OR3A2: variants seen among roughly 807,000 people sequenced by gnomAD.
OR3A2 encodes the protein olfactory receptor 3A2.
For synonymous variants in OR3A2, 126 were observed against 159.3 expected (o/e 0.79, Z 1.57); for missense variants, 318 against 392.8 (o/e 0.81, Z 1.61).
intron 3 of OR3A2, among the ~76,000 whole-genome samples, chr17:3,334,229 A>G (rs979983971): frequency 2.0e-5 from 3 of 152,136 alleles, no homozygotes; most frequent in Non-Finnish European, 4.4e-5. Context: ...CAGAAATACC[A>G]TCTTTACTAT....
chr17:3,279,712 C>A (rs548971585), intron 1 of OR3A2, among the ~76,000 whole-genome samples: 1 of 152,132 alleles, frequency 6.6e-6, no homozygotes, highest in East Asian at 1.9e-4. Flanking sequence ...CGCTTGAACC[C>A]GAGACGTGGA....
intron 3 of OR3A2, among the ~76,000 whole-genome samples, chr17:3,304,074 T>C (rs9905141): frequency 0.17 from 25,083 of 151,286 alleles, 2,966 homozygotes; most frequent in African/African-American, 0.33. Context: ...ACTCTACATG[T>C]ATTGCAGCTT....
intron 3 of OR3A2, among the ~76,000 whole-genome samples, chr17:3,309,128 A>C (rs7219806): frequency 0.17 from 25,159 of 151,732 alleles, 2,952 homozygotes; most frequent in African/African-American, 0.33. Context: ...CTGGTCTCGA[A>C]CTCCTGACCT....
At chr17:3,374,266 T>C (rs1288566426) in intron 2 of OR3A2, among the ~76,000 whole-genome samples, 1 of 152,214 alleles carries the variant, frequency 6.6e-6, no homozygotes, top group Non-Finnish European at 1.5e-5. Flanking sequence ...ACCTGATGAC[T>C]ATCTGCCCAG....
chr17:3,363,959 G>A (rs1020618022), intron 2 of OR3A2, among the ~76,000 whole-genome samples: 5 of 152,100 alleles, frequency 3.3e-5, no homozygotes, highest in African/African-American at 1.2e-4. Context: ...GAACAGCAAG[G>A]GGAAAATCTG....
exon 2 of OR3A2, chr17:3,277,367 C>T (rs2048745238): frequency 6.6e-6 from 1 of 152,084 alleles, no homozygotes; most frequent in Non-Finnish European, 1.5e-5. Context: ...TTTAACAAAA[C>T]AACAACAAAA....
At chr17:3,361,711 A>G (rs1331338790) in intron 2 of OR3A2, among the ~76,000 whole-genome samples, 1 of 151,702 alleles carries the variant, frequency 6.6e-6, no homozygotes, top group Non-Finnish European at 1.5e-5. Context: ...TATATGCTGG[A>G]TTACATTTAT....
intron 3 of OR3A2, among the ~76,000 whole-genome samples, chr17:3,319,918 G>A (rs1215635947): frequency 6.6e-6 from 1 of 152,178 alleles, no homozygotes; most frequent in East Asian, 1.9e-4. Context: ...GGGTCAAATG[G>A]TATTTCTAGT....
intron 3 of OR3A2, among the ~76,000 whole-genome samples, chr17:3,296,317 T>A (rs1297623983): frequency 6.6e-6 from 1 of 152,058 alleles, no homozygotes; most frequent in East Asian, 1.9e-4. Flanking sequence ...AGCAGCACAT[T>A]TTAAAAAATG....
chr17:3,383,115 G>A (rs2049752287), intron 2 of OR3A2, among the ~76,000 whole-genome samples: 2 of 152,208 alleles, frequency 1.3e-5, no homozygotes, highest in South Asian at 2.1e-4. Flanking sequence ...GGGTGTTTGG[G>A]TTGAAGAAAA....
intron 2 of OR3A2, among the ~76,000 whole-genome samples, chr17:3,344,601 T>C (rs1186528352): frequency 6.6e-6 from 1 of 152,228 alleles, no homozygotes; most frequent in Non-Finnish European, 1.5e-5. Flanking sequence ...TAGGCACTAC[T>C]GCCACTTATA....
At chr17:3,382,255 G>C (rs1209444666) in intron 2 of OR3A2, among the ~76,000 whole-genome samples, 1 of 152,230 alleles carries the variant, frequency 6.6e-6, no homozygotes, top group Non-Finnish European at 1.5e-5. Context: ...ATATTTGTAT[G>C]AGTGCAAACG....
intron 2 of OR3A2, 137 bp from the exon 2 acceptor site, chr17:3,336,263 A>AT (rs910844519): frequency 1.3e-5 from 2 of 152,172 alleles, no homozygotes; most frequent in African/African-American, 2.4e-5. Flanking sequence ...ATGATAATTC[A>AT]TTTTTTCCCT....
chr17:3,279,895 T>C (rs1167641580), intron 1 of OR3A2, among the ~76,000 whole-genome samples: 1 of 152,140 alleles, frequency 6.6e-6, no homozygotes. Context: ...GTATTCATGA[T>C]TGTGGATATC....
At chr17:3,301,519 A>C (rs1178780588) in intron 3 of OR3A2, among the ~76,000 whole-genome samples, 1 of 152,108 alleles carries the variant, frequency 6.6e-6, no homozygotes, top group African/African-American at 2.4e-5. Flanking sequence ...CATATACTTC[A>C]CCCACTTTTT....
At chr17:3,297,047 T>A (rs1032482819) in intron 3 of OR3A2, among the ~76,000 whole-genome samples, 1 of 152,188 alleles carries the variant, frequency 6.6e-6, no homozygotes, top group African/African-American at 2.4e-5. Flanking sequence ...TCTACACAGG[T>A]TCATTTTATA....
At chr17:3,346,326 G>C (rs1332796067) in intron 2 of OR3A2, among the ~76,000 whole-genome samples, 2 of 152,258 alleles carry the variant, frequency 1.3e-5, no homozygotes, top group Admixed American at 1.3e-4. Context: ...GGCAATGTGT[G>C]CAAATTACAT....
At chr17:3,285,024 T>G (rs766442719), upstream of OR3A2, among the ~76,000 whole-genome samples, 119 of 152,208 alleles carry the variant, frequency 7.8e-4, no homozygotes, top group Non-Finnish European at 1.4e-3. Flanking sequence ...GGGGGACACT[T>G]GGACTGTGTC....
downstream of OR3A2, chr17:3,277,188 A>C (rs1460907198): frequency 6.6e-6 from 1 of 151,412 alleles, no homozygotes; most frequent in Admixed American, 6.6e-5. Context: ...GGCCTCCCAA[A>C]GTGCTGGGAT....
Sources: gnomAD v4.1 joint callset for allele counts (sites outside exome capture counted in the v4.1 genomes callset) on GRCh38, gnomAD v4.1.1 for gene constraint, MANE v1.5 for transcripts, NCBI Gene and HGNC (gene_info 2026-07-23, HGNC 2026-07-21) for gene names.